The following ABL1 variants were observed in gnomAD, a reference collection of about 807,000 sequenced individuals.
ABL1 encodes the protein tyrosine-protein kinase ABL1.
In ABL1, 11 loss-of-function variants were observed where a neutral mutation model predicts 94.7. The ratio of observed to expected loss-of-function variants is 0.12; its 90% CI spans 0.07 to 0.19. The LOEUF is 0.19. Ranked by LOEUF, ABL1 falls within the 10% of genes least tolerant of loss-of-function variation. The pLI, the probability that ABL1 is intolerant of heterozygous loss-of-function variation, is 1.00. For synonymous variants in ABL1, 656 were observed against 622.4 expected (o/e 1.05, Z -0.80); for missense variants, 1,082 against 1,489.4 (o/e 0.73, Z 4.50).
Position 130,835,607 on chromosome 9 carries a change from G to A in ABL1, c.79+82G>A, listed in dbSNP as rs1013316796. 1.7e-6 allele frequency: 2 copies of A among 1,183,198 alleles called. No individual in the cohort carries two copies. The highest frequency in any genetic ancestry group is 2.7e-4 in the Middle Eastern group (1 of 3,646). 73.3% of individuals were successfully genotyped at this position (1,183,198 alleles called of 1,614,324 possible). On this transcript the variant is annotated intron_variant, in intron 1 of 10. Transcript: ENST00000318560. This position sits in a 1 kb window ranked among gnomAD's most constrained non-coding sequence, Gnocchi z 4.6. ...GGGCCCTTCCTAGGCCTCGCCGCCC[G>A]CGCGCTCCCGCCTGCGCCCTCCCCG...
chr9:130,771,752 C>CTTTTTTTT (rs57339049), intron 1 of ABL1, among the ~76,000 whole-genome samples: 1 of 106,920 alleles, frequency 9.4e-6, no homozygotes, highest in Non-Finnish European at 1.9e-5. Context: ...TTCTTTCTTT[C>CTTTTTTTT]TTTTTTTTTT....
At chr9:130,878,874 A>ATTT (rs943552961) in intron 8 of ABL1, among the ~76,000 whole-genome samples, 6 of 127,278 alleles carry the variant, frequency 4.7e-5, no homozygotes, top group African/African-American at 1.2e-4. Flanking sequence ...TCATGAGGTG[A>ATTT]TTTTTTTTTT....
chr9:130,821,074 C>A (rs1361756709), intron 1 of ABL1, among the ~76,000 whole-genome samples: 1 of 152,104 alleles, frequency 6.6e-6, no homozygotes, highest in African/African-American at 2.4e-5. Flanking sequence ...GGACTACAGG[C>A]ACGTGCCACC....
upstream of ABL1, among the ~76,000 whole-genome samples, chr9:130,831,167 TC>T (rs935887871): frequency 4.6e-5 from 7 of 152,084 alleles, no homozygotes; most frequent in South Asian, 2.1e-4. Flanking sequence ...TCTTTGCTGT[TC>T]CCCCCCTAAA....
chr9:130,875,111 C>A (rs970081007), intron 7 of ABL1, 59 bp downstream of exon 7: 1 of 1,518,814 alleles, frequency 6.6e-7, no homozygotes, highest in Non-Finnish European at 9.0e-7. Flanking sequence ...TTTTTTTCTG[C>A]CTCTTTCTTG....
Position 130,872,039 on chromosome 9 carries a change from G to A in ABL1, c.823-90G>A. The A allele has an allele frequency of 8.5e-7, 1 of 1,176,444 alleles. No individual in the cohort carries two copies. The highest frequency in any genetic ancestry group is 1.2e-6 in the Non-Finnish European group (1 of 804,746). The allele number at this position is 1,176,444 out of a possible 1,614,324, so 72.9% of individuals were successfully genotyped here. On this transcript the variant is annotated intron_variant, in intron 4 of 10. Transcript: ENST00000318560. This position sits in a 1 kb window ranked among gnomAD's most constrained non-coding sequence, Gnocchi z 5.0. ...ACGCAGCCCAGGACGAGTATGCGCT[G>A]AAGCTCCATTTTGCATTAACTAGTC...
chr9:130,720,732 G>A (rs763796288), intron 1 of ABL1, among the ~76,000 whole-genome samples: 2 of 152,252 alleles, frequency 1.3e-5, no homozygotes, highest in South Asian at 2.1e-4. Context: ...GGGATTCCAC[G>A]GGGGCATTGA....
intron 8 of ABL1, 138 bp from the exon 9 acceptor site, chr9:130,879,930 C>T (rs1448649535): frequency 1.1e-5 from 8 of 760,378 alleles, no homozygotes; most frequent in African/African-American, 3.4e-5. Context: ...TGACATTCAT[C>T]GTTTTGACTT....
At chr9:130,851,775 T>TC (rs1364117892) in intron 1 of ABL1, among the ~76,000 whole-genome samples, 1 of 149,694 alleles carries the variant, frequency 6.7e-6, no homozygotes, top group African/African-American at 2.5e-5. Context: ...TCTTTTTTTT[T>TC]TTTTTTTTTG....
intron 1 of ABL1, among the ~76,000 whole-genome samples, chr9:130,778,072 G>A (rs1452669205): frequency 1.8e-4 from 14 of 77,138 alleles, no homozygotes; most frequent in East Asian, 4.9e-4. Context: ...GTGTTGGGAC[G>A]CTGACACACT....
At chr9:130,732,383 A>G (rs1831677867) in intron 1 of ABL1, among the ~76,000 whole-genome samples, 1 of 152,084 alleles carries the variant, frequency 6.6e-6, no homozygotes, top group African/African-American at 2.4e-5. Context: ...AGGAAAGGGG[A>G]CATTTACTCA....
intron 1 of ABL1, among the ~76,000 whole-genome samples, chr9:130,756,090 A>G (rs547630912): frequency 3.3e-5 from 5 of 152,334 alleles, no homozygotes; most frequent in Admixed American, 6.5e-5. Context: ...TCTGTGAGAA[A>G]AGGGGCAACC....
chr9:130,794,999 G>A (rs757155415), intron 1 of ABL1, among the ~76,000 whole-genome samples: 2 of 152,136 alleles, frequency 1.3e-5, no homozygotes, highest in Non-Finnish European at 2.9e-5. Flanking sequence ...ACCATAAATA[G>A]TAGATTAATC....
intron 7 of ABL1, among the ~76,000 whole-genome samples, chr9:130,877,824 T>G (rs77994490): frequency 2.8e-5 from 4 of 142,746 alleles, no homozygotes; most frequent in Non-Finnish European, 6.1e-5. Context: ...TTTTTTTTTT[T>G]GAGATGGAGT....
chr9:130,866,405 G>A (rs986596504), intron 4 of ABL1, among the ~76,000 whole-genome samples: 1 of 151,864 alleles, frequency 6.6e-6, no homozygotes, highest in Non-Finnish European at 1.5e-5. Flanking sequence ...TTGTGGCTAC[G>A]ATCTACCTTC....
At position 130,885,860 on chromosome 9, in the gene ABL1, C is replaced by G. The variant is rs760371848; in HGVS notation, c.*177C>G. Reference sequence around the variant, plus strand: ...TCCAGCTCTACTACCTACGTTTGCACCGCCTGCCCTCCCGCACCTTCCTCC... The same window carrying G: ...TCCAGCTCTACTACCTACGTTTGCAGCGCCTGCCCTCCCGCACCTTCCTCC... On this transcript the variant is annotated 3_prime_UTR_variant, in exon 11 of 11. Transcript: ENST00000318560. The G allele has an allele frequency of 6.3e-6, 5 of 792,214 alleles. No homozygotes were observed. The highest frequency in any genetic ancestry group is 7.7e-6 in the Non-Finnish European group (4 of 517,404). The allele number at this position is 792,214 out of a possible 1,614,324, so 49.1% of individuals were successfully genotyped here. A position where few individuals can be genotyped will look rare whatever the true frequency, so the allele number is the denominator to read the frequency against.
chr9:130,823,633 C>T (rs1207869707), intron 1 of ABL1, among the ~76,000 whole-genome samples: 1 of 152,110 alleles, frequency 6.6e-6, no homozygotes, highest in East Asian at 1.9e-4. Context: ...GCAGTGGACA[C>T]CAGAAAGAGG....
chr9:130,753,422 C>CTTTTTTTTTTTTT (rs71389347), intron 1 of ABL1, among the ~76,000 whole-genome samples: 9 of 90,346 alleles, frequency 1.0e-4, no homozygotes, highest in African/African-American at 1.5e-4. Context: ...TTTTTCTTTT[C>CTTTTTTTTTTTTT]TTTTTTTTTT....
intron 1 of ABL1, among the ~76,000 whole-genome samples, chr9:130,758,581 C>T (rs980862795): frequency 2.6e-5 from 4 of 152,072 alleles, no homozygotes; most frequent in Admixed American, 2.6e-4. Context: ...TACAGGCGTG[C>T]GCCACCAAGC....
Sources: allele counts gnomAD v4.1 joint callset (sites outside exome capture counted in the v4.1 genomes callset), GRCh38; gene constraint gnomAD v4.1.1; non-coding constraint Gnocchi (gnomAD v3.1); transcripts MANE v1.5; gene names NCBI Gene and HGNC (gene_info 2026-07-23, HGNC 2026-07-21).